Variants in ABLIM1 observed in about 807,000 individuals in gnomAD.
ABLIM1 encodes the protein actin-binding LIM protein 1.
In ABLIM1, 40 loss-of-function variants were observed where a neutral mutation model predicts 107.0. The ratio of observed to expected loss-of-function variants is 0.37; its 90% CI spans 0.29 to 0.49. ABLIM1 has a LOEUF of 0.49. Ranked by LOEUF, ABLIM1 falls within the 20% of genes least tolerant of loss-of-function variation. The probability of loss-of-function intolerance (pLI) is 0.97; values close to 1 mark genes in which losing one functional copy is unlikely to be tolerated. For missense variants in ABLIM1, 857 were observed against 1,008.5 expected, an observed-to-expected ratio of 0.85 and a Z score of 2.04; for synonymous variants, 357 against 357.3, an observed-to-expected ratio of 1.00 and a Z score of 0.01.
chr10:114,732,042 A>T (rs1373036972), intron 1 of ABLIM1, among the ~76,000 whole-genome samples: 2 of 152,148 alleles, frequency 1.3e-5, no homozygotes, highest in African/African-American at 4.8e-5. Context: ...CATTCTCACC[A>T]GCAATGTATT....
intron 6 of ABLIM1, among the ~76,000 whole-genome samples, chr10:114,493,313 T>C (rs2059251453): frequency 6.6e-6 from 1 of 152,070 alleles, no homozygotes; most frequent in South Asian, 2.1e-4. Context: ...TTAAGGAAAA[T>C]GTTAAGTGAA....
intron 1 of ABLIM1, among the ~76,000 whole-genome samples, chr10:114,638,752 T>A (rs957728672): frequency 6.6e-6 from 1 of 152,174 alleles, no homozygotes; most frequent in African/African-American, 2.4e-5. Context: ...GATGCTGCCC[T>A]TTGCCTTGCC....
chr10:114,510,167 A>G (rs1186470420), intron 6 of ABLIM1, among the ~76,000 whole-genome samples: 1 of 152,168 alleles, frequency 6.6e-6, no homozygotes, highest in Non-Finnish European at 1.5e-5. Context: ...ACCTTCCCAC[A>G]TCTTAAATTT....
At chr10:114,761,777 T>C (rs2082751703) in intron 1 of ABLIM1, among the ~76,000 whole-genome samples, 2 of 152,130 alleles carry the variant, frequency 1.3e-5, no homozygotes, top group South Asian at 2.1e-4. Context: ...CTAGGTTCAG[T>C]ACTCACCATG....
At chr10:114,495,759 A>G (rs2059584977) in intron 6 of ABLIM1, among the ~76,000 whole-genome samples, 1 of 152,142 alleles carries the variant, frequency 6.6e-6, no homozygotes, top group Admixed American at 6.5e-5. Context: ...GGCAGGAAGT[A>G]TTATTATCCT....
chr10:114,521,233 C>T (rs890635506), intron 6 of ABLIM1, among the ~76,000 whole-genome samples: 2 of 152,184 alleles, frequency 1.3e-5, no homozygotes, highest in African/African-American at 4.8e-5. Flanking sequence ...ATCTGCGCTA[C>T]CAAGAAGAAA....
At chr10:114,685,408 A>T (rs11196875), upstream of ABLIM1, among the ~76,000 whole-genome samples, 71,861 of 152,044 alleles carry the variant, frequency 0.47, 17,827 homozygotes, top group South Asian at 0.6. Flanking sequence ...TAATCAATCC[A>T]CTGGAAAACA....
At chr10:114,620,167 A>G (rs761710299) in intron 1 of ABLIM1, among the ~76,000 whole-genome samples, 36 of 152,242 alleles carry the variant, frequency 2.4e-4, no homozygotes, top group Non-Finnish European at 1.6e-4. Flanking sequence ...AATAAGTTTA[A>G]TGGATCATCA....
the ABLIM1 span, among the ~76,000 whole-genome samples, chr10:114,793,151 C>CA: frequency 1.3e-5 from 2 of 151,506 alleles, no homozygotes; most frequent in South Asian, 2.1e-4. Context: ...GACACCATCT[C>CA]AAAAAAAATA....
At chr10:114,665,170 A>T (rs1043772001) in intron 1 of ABLIM1, among the ~76,000 whole-genome samples, 6 of 152,108 alleles carry the variant, frequency 3.9e-5, no homozygotes, top group African/African-American at 1.4e-4. Context: ...CACATTTTAC[A>T]TGAACAACTT....
In ABLIM1 at chr10:114,485,200, C is replaced by T. The variant is rs139020670; in HGVS notation, c.1041+2758G>A. The T allele has an allele frequency of 4.0e-4, 362 of 899,236 alleles. 5 individuals are homozygous for T. In the African/African-American group the frequency reaches 4.8e-3, roughly 12 times the overall value. 55.7% of individuals were successfully genotyped at this position (899,236 alleles called of 1,614,324 possible). On this transcript the variant is annotated intron_variant, in intron 8 of 22. Coordinates refer to ENST00000533213, the MANE Select transcript of ABLIM1 (RefSeq NM_002313.7). Reference sequence around the variant, plus strand: ...AAAAGCATCTGCTTTCTGCAGGAGCCGAAGAAGTTATGTGAGAAAAGCAGC... The same window carrying T: ...AAAAGCATCTGCTTTCTGCAGGAGCTGAAGAAGTTATGTGAGAAAAGCAGC...
intron 1 of ABLIM1, among the ~76,000 whole-genome samples, chr10:114,765,361 A>T (rs77086398): frequency 9.2e-5 from 11 of 119,674 alleles, no homozygotes; most frequent in East Asian, 4.1e-4. Context: ...TTTCAACTAT[A>T]AAAAAAAAAA....
chr10:114,639,743 C>T (rs1005823529), intron 1 of ABLIM1, among the ~76,000 whole-genome samples: 1 of 152,218 alleles, frequency 6.6e-6, no homozygotes, highest in African/African-American at 2.4e-5. Flanking sequence ...ATAATTTAGT[C>T]TTTGAACTTG....
In ABLIM1 at chr10:114,764,379, G is replaced by A. The variant is rs148511073; in HGVS notation, c.-213+3682C>T. Among the ~76,000 whole-genome samples the A allele has an allele frequency of 6.4e-4, 98 of 152,256 alleles. 2 individuals are homozygous for A. The East Asian group carries it at 0.015, about 24-fold the overall frequency. On this transcript the variant is annotated intron_variant, in intron 1 of 15. Coordinates refer to the ABLIM1 transcript ENST00000651092. Reference sequence around the variant, plus strand: ...TGAGATTAAATTGATTTATTTGTTTGTTTGTTTTTTTGAGATAGAGTCTCA... The same window carrying A: ...TGAGATTAAATTGATTTATTTGTTTATTTGTTTTTTTGAGATAGAGTCTCA...
intron 6 of ABLIM1, among the ~76,000 whole-genome samples, chr10:114,540,234 A>G (rs2066491428): frequency 6.6e-6 from 1 of 152,228 alleles, no homozygotes; most frequent in Non-Finnish European, 1.5e-5. Context: ...CAGCCAAGAC[A>G]TGAGAATTCT....
intron 1 of ABLIM1, among the ~76,000 whole-genome samples, chr10:114,738,648 G>T (rs1441618697): frequency 6.6e-6 from 1 of 152,178 alleles, no homozygotes; most frequent in African/African-American, 2.4e-5. Context: ...AGTTCAAGTA[G>T]AAATGGGTCT....
At chr10:114,730,115 G>C (rs1237277966) in intron 1 of ABLIM1, among the ~76,000 whole-genome samples, 1 of 152,080 alleles carries the variant, frequency 6.6e-6, no homozygotes, top group Non-Finnish European at 1.5e-5. Context: ...TTCTACTTAG[G>C]AGCTGGGTGT....
rs115169352 is a variant in ABLIM1, at chr10:114,548,389, G to T, written c.674-613C>A. 2.4e-3 allele frequency among the ~76,000 whole-genome samples: 370 copies of T among 152,276 alleles called. 3 individuals are homozygous for T. The highest frequency in any genetic ancestry group is 8.6e-3 in the African/African-American group (358 of 41,556). On this transcript the variant is annotated intron_variant, in intron 4 of 22. Coordinates refer to ENST00000533213, the MANE Select transcript of ABLIM1 (RefSeq NM_002313.7). ...GGAGAAATTATTTCTTCATGGTAAAGAGTGTGGGCCTGGAATAAGACATCC... is the reference window on the plus strand; with the variant it reads ...GGAGAAATTATTTCTTCATGGTAAATAGTGTGGGCCTGGAATAAGACATCC...
chr10:114,659,360 T>A (rs1170820753), upstream of ABLIM1, among the ~76,000 whole-genome samples: 2 of 148,680 alleles, frequency 1.3e-5, no homozygotes, highest in Admixed American at 6.7e-5. Flanking sequence ...AAAAAAAAAA[T>A]TAAAACATTG....
Sources: allele counts gnomAD v4.1 joint callset (sites outside exome capture counted in the v4.1 genomes callset), GRCh38; gene constraint gnomAD v4.1.1; transcripts MANE v1.5; gene names NCBI Gene and HGNC (gene_info 2026-07-23, HGNC 2026-07-21).